DENND4C: variants seen among roughly 807,000 people sequenced by gnomAD.
DENND4C encodes DENN domain-containing protein 4C.
Under a neutral mutation model 203.0 loss-of-function variants are expected in DENND4C, and 108 were observed. The observed-to-expected ratio is 0.53, with a 90% confidence interval of 0.46 to 0.62. DENND4C has a LOEUF of 0.62. Ranked by LOEUF, DENND4C falls within the 20% of genes least tolerant of loss-of-function variation. The pLI is 0.00. For synonymous variants in DENND4C, 871 were observed against 792.4 expected (o/e 1.10, Z -1.67); for missense variants, 2,481 against 2,301.2 (o/e 1.08, Z -1.60).
intron 1 of DENND4C, among the ~76,000 whole-genome samples, chr9:19,254,540 A>T (rs1827453557): frequency 6.6e-6 from 1 of 152,220 alleles, no homozygotes; most frequent in Non-Finnish European, 1.5e-5. Flanking sequence ...AACAAGTTGA[A>T]CTCATAAAAG....
Position 19,357,036 on chromosome 9 carries a change from G to C in DENND4C, c.4846G>C (p.Glu1616Gln). The C allele has an allele frequency of 6.2e-7, 1 of 1,613,962 alleles. No individual in the cohort carries two copies. The highest frequency in any genetic ancestry group is 8.5e-7 in the Non-Finnish European group (1 of 1,179,924). Residue 1616 changes from glutamate to glutamine, a missense_variant, in exon 27 of 33, where the codon GAA becomes CAA. Around this residue, in one of 3 missense-constraint regions of DENND4C, gnomAD observed 2,289 missense variants for 2,113.3 expected, o/e 1.08. Transcript: ENST00000434457. ...AAGTGGAAGCATTCCATTGGCAAAT[G>C]AATCCTTGGAGCACAAACCTGTATC... is the stretch of plus-strand genomic sequence containing the variant. ...LQSGSIPLAN[E>Q]SLEHKPVSSL...
intron 30 of DENND4C, 85 bp downstream of exon 30, chr9:19,362,048 C>T (rs559173059): frequency 5.7e-5 from 42 of 738,966 alleles, no homozygotes; most frequent in African/African-American, 3.9e-4. Context: ...CCTAGGCTGG[C>T]GGACCACTTG....
intron 2 of DENND4C, among the ~76,000 whole-genome samples, chr9:19,279,251 C>T: frequency 1.2e-5 from 1 of 83,438 alleles, no homozygotes; most frequent in Admixed American, 1.2e-4. Flanking sequence ...ATCACTTGAA[C>T]CCGGGAGGCG....
chr9:19,254,026 G>T (rs1827300720), intron 1 of DENND4C, among the ~76,000 whole-genome samples: 1 of 152,118 alleles, frequency 6.6e-6, no homozygotes, highest in Admixed American at 6.6e-5. Flanking sequence ...TTGTTAAACT[G>T]TATATCTAAG....
intron 1 of DENND4C, among the ~76,000 whole-genome samples, chr9:19,253,833 A>C (rs915739729): frequency 6.6e-6 from 1 of 152,152 alleles, no homozygotes; most frequent in Non-Finnish European, 1.5e-5. Flanking sequence ...ATTTATTAGA[A>C]TGTGTGCTGT....
At chr9:19,337,252 A>C (rs367728138) in intron 20 of DENND4C, among the ~76,000 whole-genome samples, 1 of 152,252 alleles carries the variant, frequency 6.6e-6, no homozygotes, top group Non-Finnish European at 1.5e-5. Context: ...ATTCTCTTTA[A>C]GTTACATTTT....
At chr9:19,359,203 A>C (rs755479749) in intron 28 of DENND4C, among the ~76,000 whole-genome samples, 22 of 151,756 alleles carry the variant, frequency 1.4e-4, no homozygotes, top group Non-Finnish European at 2.8e-4. Flanking sequence ...TTGGAGGAAT[A>C]GGGTATCATT....
intron 1 of DENND4C, among the ~76,000 whole-genome samples, chr9:19,269,131 A>G (rs1233512054): frequency 6.6e-6 from 1 of 151,400 alleles, no homozygotes; most frequent in Non-Finnish European, 1.5e-5. Flanking sequence ...ATTCTTTACT[A>G]TTTTGTCTCC....
chr9:19,302,635 A>G (rs892897921), intron 9 of DENND4C, among the ~76,000 whole-genome samples: 4 of 152,228 alleles, frequency 2.6e-5, no homozygotes, highest in Non-Finnish European at 4.4e-5. Context: ...TTTGTTGAAT[A>G]GAAGATAATT....
chr9:19,290,029 T>G (rs1268122289), intron 4 of DENND4C, among the ~76,000 whole-genome samples: 1 of 152,186 alleles, frequency 6.6e-6, no homozygotes, highest in African/African-American at 2.4e-5. Flanking sequence ...ATACTGAATT[T>G]GGGCTCAAAA....
chr9:19,257,118 CAG>C (rs987975019), intron 1 of DENND4C, among the ~76,000 whole-genome samples: 1 of 147,716 alleles, frequency 6.8e-6, no homozygotes, highest in African/African-American at 2.5e-5. Flanking sequence ...TTTCAGAAAA[CAG>C]AGTGAAGAAA....
intron 1 of DENND4C, among the ~76,000 whole-genome samples, chr9:19,233,299 G>C (rs1021135233): frequency 1.8e-4 from 28 of 152,168 alleles, no homozygotes; most frequent in African/African-American, 6.3e-4. Context: ...TTGTCAGTTT[G>C]ACAGACGTAG....
Position 19,346,908 on chromosome 9 carries a change from G to A in DENND4C, c.4139G>A (p.Arg1380His), listed in dbSNP as rs139483502. Residue 1380 changes from arginine (R) to histidine (H), a missense_variant, in exon 23 of 33, where the codon CGT (arginine) becomes CAT (histidine). Arg to His is a conservative substitution (Grantham distance 29). Transcript: ENST00000434457. ...TCAACTTCTTTGTCAGCACTGGTGCGTTCTTCGCCACATGGCTCGTTGGGT... is the reference window on the plus strand; with the variant it reads ...TCAACTTCTTTGTCAGCACTGGTGCATTCTTCGCCACATGGCTCGTTGGGT... ...ERSTSLSALV[R>H]SSPHGSLGSV... The A allele has an allele frequency of 1.9e-5, 31 of 1,614,102 alleles. No individual in the cohort carries two copies. The Middle Eastern group carries it at 4.9e-4, about 26-fold the overall frequency.
intron 1 of DENND4C, among the ~76,000 whole-genome samples, chr9:19,252,342 T>C (rs1325061666): frequency 6.6e-6 from 1 of 152,020 alleles, no homozygotes; most frequent in Non-Finnish European, 1.5e-5. Flanking sequence ...GTTCCTCCCA[T>C]GACATGTGGG....
At chr9:19,331,635 A>C (rs142544169) in intron 16 of DENND4C, among the ~76,000 whole-genome samples, 1 of 152,210 alleles carries the variant, frequency 6.6e-6, no homozygotes, top group Admixed American at 6.5e-5. Context: ...AGTGAGAGGA[A>C]TATCACTTTT....
intron 9 of DENND4C, 60 bp from the exon 10 acceptor site, chr9:19,305,288 GTTAC>G: frequency 1.4e-6 from 2 of 1,420,524 alleles, no homozygotes; most frequent in Non-Finnish European, 1.9e-6. Flanking sequence ...AGTAATACTA[GTTAC>G]TTATATATTT....
intron 29 of DENND4C, 60 bp from the exon 30 acceptor site, chr9:19,361,786 C>T (rs779926651): frequency 4.9e-6 from 5 of 1,013,320 alleles, no homozygotes; most frequent in Non-Finnish European, 7.7e-6. Context: ...TCAAGCTTCA[C>T]TAGATCTACT....
At chr9:19,243,243 C>G (rs1486454962) in intron 1 of DENND4C, among the ~76,000 whole-genome samples, 1 of 152,128 alleles carries the variant, frequency 6.6e-6, no homozygotes, top group Non-Finnish European at 1.5e-5. Context: ...TGAAGTCATA[C>G]AATATGTGAT....
In DENND4C at chr9:19,371,737, A is replaced by C. The variant is rs765902894; in HGVS notation, c.5676-19A>C. The C allele has an allele frequency of 1.5e-5, 20 of 1,313,170 alleles. No individual in the cohort carries two copies. Among genetic ancestry groups the C allele is most frequent in the Non-Finnish European group, 2.0e-5 (19 of 932,376 alleles). 81.3% of individuals were successfully genotyped at this position (1,313,170 alleles called of 1,614,324 possible). On this transcript the variant is annotated intron_variant, in intron 31 of 32. Transcript: ENST00000434457. ...TATGCTATTTGCCCATTGACTTTTA[A>C]AACATATTTGTTTTATAGGAGTTTA...
Sources: gnomAD v4.1 joint callset for allele counts (sites outside exome capture counted in the v4.1 genomes callset) on GRCh38, gnomAD v4.1.1 for gene constraint, gnomAD v4.1.1 regional missense constraint, MANE v1.5 for transcripts, NCBI Gene and HGNC (gene_info 2026-07-23, HGNC 2026-07-21) for gene names.